ATXN7L1: variants seen among roughly 807,000 people sequenced by gnomAD.
The protein encoded by ATXN7L1 is ataxin-7-like protein 1.
In ATXN7L1, 15 loss-of-function variants were observed where a neutral mutation model predicts 70.8. The observed-to-expected ratio is 0.21, with a 90% CI of 0.14 to 0.33. The LOEUF (loss-of-function observed/expected upper bound fraction) is 0.33. Ranked by LOEUF, ATXN7L1 falls within the 10% of genes least tolerant of loss-of-function variation. The pLI is 1.00. For missense variants in ATXN7L1, 975 were observed against 1,097.1 expected (o/e 0.89, Z 1.57); for synonymous variants, 440 against 445.1 (o/e 0.99, Z 0.14).
chr7:105,737,307 T>A lies in ATXN7L1; in HGVS notation c.355+51297A>T, dbSNP rs533766083. Among the ~76,000 whole-genome samples the A allele has an allele frequency of 1.6e-4, 25 of 152,370 alleles. No homozygotes were observed. In the South Asian group the frequency reaches 4.6e-3, roughly 28 times the overall value. On this transcript the variant is annotated intron_variant, in intron 3 of 11. Coordinates refer to ENST00000419735, the MANE Select transcript of ATXN7L1 (RefSeq NM_020725.2). ...AATAAACTTTTCAAACTTCCTCCAT[T>A]GTAACAATATTAGCTAATGCTTATT...
At chr7:105,809,946 A>AT (rs752672367) in intron 2 of ATXN7L1, among the ~76,000 whole-genome samples, 69 of 151,952 alleles carry the variant, frequency 4.5e-4, no homozygotes, top group Non-Finnish European at 4.1e-4. Flanking sequence ...AATTTTTTAA[A>AT]TTTTTTGTAG....
intron 3 of ATXN7L1, among the ~76,000 whole-genome samples, chr7:105,756,740 A>G (rs1799850138): frequency 6.6e-6 from 1 of 152,226 alleles, no homozygotes; most frequent in South Asian, 2.1e-4. Context: ...GCCCATGAAC[A>G]TAATTATTAG....
chr7:105,798,572 G>C (rs1308386873), intron 2 of ATXN7L1, among the ~76,000 whole-genome samples: 2 of 152,178 alleles, frequency 1.3e-5, no homozygotes, highest in African/African-American at 4.8e-5. Context: ...CTGTGCAAAG[G>C]GCTCCCCTTG....
chr7:105,788,637 C>T lies in ATXN7L1; in HGVS notation c.322G>A (p.Val108Ile), dbSNP rs550687894. 6.2e-7 allele frequency: 1 copy of T among 1,613,992 alleles called. No homozygotes were observed. The highest frequency in any genetic ancestry group is 1.7e-5 in the Admixed American group (1 of 60,018). The change falls in exon 3 of 12, where the codon GTC becomes ATC. Residue 108 changes from valine (V) to isoleucine (I), a missense_variant. Coordinates refer to ENST00000419735, the MANE Select transcript of ATXN7L1 (RefSeq NM_020725.2). ...GACTGGAAAACCTGTGGCTTGACGA[C>T]CTGGTTACAGGCACTGCACACTACG... Reference protein sequence around the residue: ...YLVVCSACNQVVKPQVFQSHC... With the variant: ...YLVVCSACNQIVKPQVFQSHC...
chr7:105,865,726 G>A (rs998467683), intron 2 of ATXN7L1, among the ~76,000 whole-genome samples: 6 of 152,006 alleles, frequency 3.9e-5, no homozygotes, highest in Admixed American at 1.3e-4. Flanking sequence ...TTATGTGTAC[G>A]GTTAGTTCTG....
intron 2 of ATXN7L1, among the ~76,000 whole-genome samples, chr7:105,815,276 C>T (rs1809024975): frequency 1.3e-5 from 2 of 152,148 alleles, no homozygotes; most frequent in Non-Finnish European, 1.5e-5. Flanking sequence ...GCATTTTGTG[C>T]TTGGCTCTAG....
chr7:105,648,363 AG>A (rs771958547), intron 4 of ATXN7L1, among the ~76,000 whole-genome samples: 256 of 152,316 alleles, frequency 1.7e-3, no homozygotes, highest in Non-Finnish European at 2.2e-3. Flanking sequence ...AGAAGCAGGC[AG>A]CTGAGTGATG....
intron 2 of ATXN7L1, among the ~76,000 whole-genome samples, chr7:105,863,837 C>A (rs752355254): frequency 4.6e-5 from 7 of 152,120 alleles, no homozygotes; most frequent in Admixed American, 2.0e-4. Context: ...CAATAAAAGA[C>A]AGCTAGGATT....
intron 3 of ATXN7L1, among the ~76,000 whole-genome samples, chr7:105,782,814 G>A (rs1180453084): frequency 6.6e-6 from 1 of 152,202 alleles, no homozygotes; most frequent in Non-Finnish European, 1.5e-5. Flanking sequence ...AGCATTTCTT[G>A]CCTCCAAGAG....
intron 2 of ATXN7L1, among the ~76,000 whole-genome samples, chr7:105,861,528 G>A (rs1489630032): frequency 1.3e-5 from 2 of 151,862 alleles, no homozygotes; most frequent in South Asian, 2.1e-4. Context: ...GCACAGGCTC[G>A]GCTTGCTCTT....
intron 2 of ATXN7L1, among the ~76,000 whole-genome samples, chr7:105,861,508 T>C (rs933020481): frequency 6.7e-6 from 1 of 149,414 alleles, no homozygotes; most frequent in Non-Finnish European, 1.5e-5. Flanking sequence ...AAGATAGTGA[T>C]GGGGAAAACG....
At chr7:105,653,850 C>T (rs1251155441) in intron 4 of ATXN7L1, among the ~76,000 whole-genome samples, 1 of 152,034 alleles carries the variant, frequency 6.6e-6, no homozygotes, top group Non-Finnish European at 1.5e-5. Flanking sequence ...GTGGGCCGGG[C>T]TCTCCTGCTG....
At chr7:105,819,392 T>C (rs1470195754) in intron 2 of ATXN7L1, 4 of 495,140 alleles carry the variant, frequency 8.1e-6, no homozygotes, top group Admixed American at 6.8e-5. Flanking sequence ...TATTTAACAA[T>C]AAAAAATTTA....
chr7:105,691,029 C>A (rs1790733700), intron 3 of ATXN7L1, among the ~76,000 whole-genome samples: 1 of 152,168 alleles, frequency 6.6e-6, no homozygotes, highest in African/African-American at 2.4e-5. Flanking sequence ...ATATCACTGT[C>A]ATTTAGGTGG....
At chr7:105,612,994 C>CA (rs200174563) in intron 10 of ATXN7L1, among the ~76,000 whole-genome samples, 1,720 of 152,276 alleles carry the variant, frequency 0.011, 29 homozygotes, top group African/African-American at 0.038. Context: ...GCCCTCTCGT[C>CA]AGACCTGGCT....
chr7:105,789,427 G>A (rs953224510), intron 2 of ATXN7L1, among the ~76,000 whole-genome samples: 74 of 152,124 alleles, frequency 4.9e-4, no homozygotes, highest in African/African-American at 1.6e-3. Context: ...GCTGTGTTAG[G>A]GGCTATGGAG....
intron 3 of ATXN7L1, among the ~76,000 whole-genome samples, chr7:105,742,964 A>T (rs1798180544): frequency 6.6e-6 from 1 of 151,996 alleles, no homozygotes; most frequent in Admixed American, 6.6e-5. Context: ...CCCAACTTCC[A>T]GTCCTTATCT....
chr7:105,861,496 TA>T (rs1222452915), intron 2 of ATXN7L1, among the ~76,000 whole-genome samples: 10 of 151,260 alleles, frequency 6.6e-5, no homozygotes, highest in African/African-American at 2.4e-4. Context: ...GGGGTCTTTC[TA>T]AAGATAGTGA....
chr7:105,862,515 T>C (rs1198544656), intron 2 of ATXN7L1, among the ~76,000 whole-genome samples: 3 of 152,112 alleles, frequency 2.0e-5, no homozygotes, highest in African/African-American at 4.8e-5. Flanking sequence ...TTCTGTCCCA[T>C]TAAGTGTAAA....
Sources: allele counts gnomAD v4.1 joint callset (sites outside exome capture counted in the v4.1 genomes callset), GRCh38; gene constraint gnomAD v4.1.1; transcripts MANE v1.5; gene names NCBI Gene and HGNC (gene_info 2026-07-23, HGNC 2026-07-21).